Variants in FDXR observed in about 807,000 individuals in gnomAD.
The protein encoded by FDXR is NADPH:adrenodoxin oxidoreductase, mitochondrial.
FDXR carries 38 observed loss-of-function variants against 58.3 expected under a neutral mutation model. The ratio of observed to expected loss-of-function variants is 0.65; its 90% CI spans 0.50 to 0.85. The LOEUF is 0.85. Ranked by LOEUF, FDXR falls within the 40% of genes least tolerant of loss-of-function variation. The probability of loss-of-function intolerance (pLI) is 0.00; values close to 1 mark genes in which losing one functional copy is unlikely to be tolerated. For missense variants in FDXR, 624 were observed against 671.0 expected (o/e 0.93, Z 0.77); for synonymous variants, 275 against 273.8 (o/e 1.00, Z -0.04).
chr17:74,872,138 G>A lies in FDXR; in HGVS notation c.80-5C>T, dbSNP rs773670525. 4 of 1,604,922 alleles carry A rather than the reference G, an allele frequency of 2.5e-6. No homozygotes were observed. In the Admixed American group the frequency reaches 6.8e-5, roughly 27 times the overall value. On this transcript the variant is annotated splice_region_variant and splice_polypyrimidine_tract_variant and intron_variant, in intron 1 of 11. Transcript: ENST00000293195. Reference sequence around the variant, plus strand: ...TGGAGAAATGGTGGCAGAAGCCTGGGGCCAGGCAGAGGAGAGGGAAAAGGT... The same window carrying A: ...TGGAGAAATGGTGGCAGAAGCCTGGAGCCAGGCAGAGGAGAGGGAAAAGGT...
chr17:74,870,306 CAGG>C (rs2038330009), intron 2 of FDXR, among the ~76,000 whole-genome samples: 1 of 152,068 alleles, frequency 6.6e-6, no homozygotes, highest in African/African-American at 2.4e-5. Context: ...CACTTGAGGT[CAGG>C]AGTTCAAAAC....
chr17:74,872,737 TCGC>T, intron 1 of FDXR, 126 bp downstream of exon 1: 1 of 1,525,812 alleles, frequency 6.6e-7, no homozygotes. Flanking sequence ...CACCGGGATC[TCGC>T]CAGCAGGAAG....
chr17:74,866,426 C>T lies in FDXR; in HGVS notation c.393+20G>A, dbSNP rs923683362. 2 of 1,611,794 alleles carry T rather than the reference C, an allele frequency of 1.2e-6. No homozygotes were observed. Among genetic ancestry groups the T allele is most frequent in the Non-Finnish European group, 1.7e-6 (2 of 1,179,292 alleles). On this transcript the variant is annotated intron_variant, in intron 4 of 11. Transcript: ENST00000293195. ...TTCTGCAGCCCCTGCCTCCCCAAGCCAGGGCCTAGCTGCACTCACCAGCAC... is the reference window on the plus strand; with the variant it reads ...TTCTGCAGCCCCTGCCTCCCCAAGCTAGGGCCTAGCTGCACTCACCAGCAC...
rs1361343156 is a variant in FDXR at position 74,872,094 on chromosome 17, T to TG, written c.118dup (p.Gln40ProfsTer46). 5.0e-6 allele frequency: 8 copies of TG among 1,607,506 alleles called. No individual in the cohort carries two copies. The highest frequency in any genetic ancestry group is 5.9e-6 in the Non-Finnish European group (7 of 1,176,694). On this transcript the variant is annotated frameshift_variant, in exon 2 of 12. Transcript: ENST00000293195. LOFTEE classifies it high-confidence loss of function. ...TGGGCCACTGCCCACCACACAGATC[T>TG]GGGGGGTCTTCTCCTGTGTGGAGAA...
rs766423469 is a variant in FDXR, at chr17:74,864,927, G to A, written c.614C>T (p.Thr205Met). The A allele has an allele frequency of 1.9e-5, 31 of 1,614,122 alleles. No homozygotes were observed. The highest frequency in any genetic ancestry group is 6.7e-5 in the East Asian group (3 of 44,888). The change falls in exon 7 of 12, where the codon ACG becomes ATG. Residue 205 changes from threonine to methionine, a missense_variant. Thr to Met is a moderately conservative substitution (Grantham distance 81, BLOSUM62 -1). Transcript: ENST00000293195. Reference sequence around the variant, plus strand: ...ACCCAGGGCTGCCTTCGTGATGTCCGTTCTCTGGCACAAAAGGAGGGCCTT... The same window carrying A: ...ACCCAGGGCTGCCTTCGTGATGTCCATTCTCTGGCACAAAAGGAGGGCCTT... ...LLTPPEHLER[T>M]DITKAALGVL...
intron 2 of FDXR, among the ~76,000 whole-genome samples, chr17:74,871,829 C>A (rs190487041): frequency 6.6e-6 from 1 of 152,096 alleles, no homozygotes; most frequent in African/African-American, 2.4e-5. Flanking sequence ...CACCAATGTG[C>A]GTTTTACACC....
rs1422815619 is a variant in FDXR, at chr17:74,862,958, G to C, written c.1346-11C>G. On this transcript the variant is annotated splice_polypyrimidine_tract_variant and intron_variant, in intron 11 of 11. Coordinates refer to ENST00000293195, the MANE Select transcript of FDXR (RefSeq NM_024417.5). ...AGACTGGCCGGACCCCTGAAGCAGA[G>C]GGGAGATTGTCAACACCTCCTCCTT... 2.5e-6 allele frequency: 4 copies of C among 1,609,152 alleles called. No individual in the cohort carries two copies. Among genetic ancestry groups the C allele is most frequent in the Non-Finnish European group, 3.4e-6 (4 of 1,179,720 alleles).
intron 5 of FDXR, 73 bp downstream of exon 5, chr17:74,866,058 C>T (rs958759288): frequency 1.4e-5 from 17 of 1,210,180 alleles, no homozygotes; most frequent in Non-Finnish European, 1.9e-5. Flanking sequence ...GCAGCTCCCT[C>T]TTCCCCCAGG....
At chr17:74,869,886 C>G (rs2038314907) in intron 2 of FDXR, 7 of 435,312 alleles carry the variant, frequency 1.6e-5, no homozygotes, top group Admixed American at 1.4e-4. Context: ...TCGCTCAGAT[C>G]CCAGTGCCAT....
chr17:74,865,052 TC>T (rs1314125460), intron 6 of FDXR, 121 bp from the exon 7 acceptor site: 22 of 1,399,262 alleles, frequency 1.6e-5, no homozygotes, highest in Admixed American at 1.1e-4. Context: ...GCGCCACTGC[TC>T]CCCCCTGGTG....
At chr17:74,870,796 T>TC (rs2038352250) in intron 2 of FDXR, among the ~76,000 whole-genome samples, 1 of 81,194 alleles carries the variant, frequency 1.2e-5, no homozygotes. Context: ...GCACTGTCTC[T>TC]CTTTTTTTTT....
Position 74,864,918 on chromosome 17 carries a change from G to A in FDXR, c.623C>T (p.Thr208Met), listed in dbSNP as rs199826370. 57 of 1,614,164 alleles carry A rather than the reference G, an allele frequency of 3.5e-5. No homozygotes were observed. The highest frequency in any genetic ancestry group is 1.1e-4 in the African/African-American group (8 of 75,050). Residue 208 changes from threonine to methionine, a missense_variant, in exon 7 of 12, where the codon ACG becomes ATG. By Grantham distance (81) the Thr-to-Met change is moderately conservative. Coordinates refer to ENST00000293195, the MANE Select transcript of FDXR (RefSeq NM_024417.5). Reference sequence around the variant, plus strand: ...CCTCAGTACACCCAGGGCTGCCTTCGTGATGTCCGTTCTCTGGCACAAAAG... The same window carrying A: ...CCTCAGTACACCCAGGGCTGCCTTCATGATGTCCGTTCTCTGGCACAAAAG... ...PPEHLERTDITKAALGVLRQS... is the reference protein window; with the variant it reads ...PPEHLERTDIMKAALGVLRQS...
At position 74,866,229 on chromosome 17, in the gene FDXR, C is replaced by T. The variant is rs1467419045; in HGVS notation, c.409G>A (p.Asp137Asn). The T allele has an allele frequency of 3.1e-6, 5 of 1,613,636 alleles. No homozygotes were observed. The East Asian group carries it at 6.7e-5, about 22-fold the overall frequency. Residue 137 changes from aspartate to asparagine, a missense_variant, in exon 5 of 12, where the codon GAC becomes AAC. Asp to Asn is a conservative substitution (Grantham distance 23). Coordinates refer to ENST00000293195, the MANE Select transcript of FDXR (RefSeq NM_024417.5). Reference sequence around the variant, plus strand: ...CCAGGAATTTCCAGGGCCCGATGGTCCTCTGCCCCGTAGCTCTGATGAAAG... The same window carrying T: ...CCAGGAATTTCCAGGGCCCGATGGTTCTCTGCCCCGTAGCTCTGATGAAAG... ...HAVVLSYGAE[D>N]HRALEIPGEE...
In FDXR at chr17:74,864,573, T is replaced by C. The variant is rs1190412846; in HGVS notation, c.718-9A>G. ...ATCATCTCCCGAAGCTCCTTGAAGGTGGGAGCAGGGAATGGGGGAGGAGGT... is the reference window on the plus strand; with the variant it reads ...ATCATCTCCCGAAGCTCCTTGAAGGCGGGAGCAGGGAATGGGGGAGGAGGT... On this transcript the variant is annotated splice_polypyrimidine_tract_variant and intron_variant, in intron 7 of 11. Transcript: ENST00000293195. 1.2e-6 allele frequency: 2 copies of C among 1,612,682 alleles called. No homozygotes were observed. The highest frequency in any genetic ancestry group is 1.7e-6 in the Non-Finnish European group (2 of 1,179,140).
chr17:74,862,751 C>G lies in FDXR; in HGVS notation c.*66G>C. 2.0e-6 allele frequency: 3 copies of G among 1,537,698 alleles called. No individual in the cohort carries two copies. The highest frequency in any genetic ancestry group is 1.2e-5 in the South Asian group (1 of 82,666). On this transcript the variant is annotated 3_prime_UTR_variant, in exon 12 of 12. Transcript: ENST00000293195. The stretch of plus-strand genomic sequence containing the variant: ...GCAGAGGTGCAAAGTCCCACTCAGA[C>G]GGACCCAGCCCTTCCCCTCCCAACA...
intron 6 of FDXR, among the ~76,000 whole-genome samples, chr17:74,865,190 AGGGGC>A (rs1567911259): frequency 6.6e-6 from 1 of 152,114 alleles, no homozygotes; most frequent in Non-Finnish European, 1.5e-5. Context: ...AAGAGCTTGG[AGGGGC>A]GGGGTGGTCA....
In FDXR at chr17:74,866,528, C is replaced by A. The variant is rs767404506; in HGVS notation, c.311G>T (p.Arg104Leu). The A allele has an allele frequency of 5.6e-6, 9 of 1,613,638 alleles. No homozygotes were observed. Among genetic ancestry groups the A allele is most frequent in the African/African-American group, 4.0e-5 (3 of 74,948 alleles). The change falls in exon 4 of 12, where the codon CGC becomes CTC. Residue 104 changes from arginine (R) to leucine (L), a missense_variant. Arg to Leu is a moderately radical substitution (Grantham distance 102). Transcript: ENST00000293195. Reference protein sequence around the residue: ...NTFTQTAHSGRCAFWGNVEVG... With the variant: ...NTFTQTAHSGLCAFWGNVEVG... Reference sequence around the variant, plus strand: ...CTCCACGTTGCCCCAGAAGGCACAGCGGCCAGAATGGGCCGTCTGGGTAAA... The same window carrying A: ...CTCCACGTTGCCCCAGAAGGCACAGAGGCCAGAATGGGCCGTCTGGGTAAA...
At chr17:74,867,255 G>A (rs1289301360) in intron 2 of FDXR, among the ~76,000 whole-genome samples, 3 of 129,626 alleles carry the variant, frequency 2.3e-5, no homozygotes, top group African/African-American at 5.9e-5. Flanking sequence ...TGCAGTGAGC[G>A]AAGATCGCGC....
At chr17:74,866,600 G>C (rs777326940) in intron 3 of FDXR, 32 bp from the exon 4 acceptor site, 1 of 1,613,278 alleles carries the variant, frequency 6.2e-7, no homozygotes, top group Non-Finnish European at 8.5e-7. Context: ...GGAGGGGTTA[G>C]AGGGTAAGGC....
Sources: gnomAD v4.1 joint callset for allele counts (sites outside exome capture counted in the v4.1 genomes callset) on GRCh38, gnomAD v4.1.1 for gene constraint, MANE v1.5 for transcripts, NCBI Gene and HGNC (gene_info 2026-07-23, HGNC 2026-07-21) for gene names.